CLEC1A: variants seen among roughly 807,000 people sequenced by gnomAD.
CLEC1A encodes C-type lectin domain family 1 member A, also known as C-type lectin-like receptor-1.
In CLEC1A, 34 loss-of-function variants were observed where a neutral mutation model predicts 28.7. The ratio of observed to expected loss-of-function variants is 1.18; its 90% CI spans 0.90 to 1.57. The LOEUF is 1.57. Ranked by LOEUF, CLEC1A falls within the 40% of genes most tolerant of loss-of-function variation. CLEC1A has a pLI of 0.00. For missense variants in CLEC1A, 385 were observed against 339.5 expected, an observed-to-expected ratio of 1.13 and a Z score of -1.05; for synonymous variants, 116 against 121.0, an observed-to-expected ratio of 0.96 and a Z score of 0.27.
chr12:10,096,335 T>C (rs1002416277), intron 1 of CLEC1A, among the ~76,000 whole-genome samples: 3 of 152,328 alleles, frequency 2.0e-5, no homozygotes, highest in Admixed American at 6.5e-5. Context: ...TCTCCTCACA[T>C]GTAACCAATC....
intron 2 of CLEC1A, among the ~76,000 whole-genome samples, chr12:10,081,810 C>T (rs1866377501): frequency 6.6e-6 from 1 of 151,836 alleles, no homozygotes; most frequent in Admixed American, 6.6e-5. Context: ...TTCTGGAAGA[C>T]AGCCAAAAAT....
At chr12:10,079,780 C>A (rs1866328254) in intron 3 of CLEC1A, among the ~76,000 whole-genome samples, 1 of 151,808 alleles carries the variant, frequency 6.6e-6, no homozygotes, top group Non-Finnish European at 1.5e-5. Context: ...GATCATGCCA[C>A]TGCACTCCAG....
At chr12:10,093,304 T>C (rs1947731825) in intron 1 of CLEC1A, among the ~76,000 whole-genome samples, 1 of 150,286 alleles carries the variant, frequency 6.7e-6, no homozygotes, top group African/African-American at 2.4e-5. Context: ...TCCTGAGGCA[T>C]GTTTAGAAAG....
intron 2 of CLEC1A, among the ~76,000 whole-genome samples, chr12:10,087,594 C>T (rs1436445039): frequency 6.9e-6 from 1 of 145,508 alleles, no homozygotes; most frequent in Non-Finnish European, 1.5e-5. Context: ...GTGATCTTGG[C>T]TCACTGCAAT....
intron 4 of CLEC1A, 97 bp downstream of exon 4, chr12:10,075,407 G>T: frequency 7.5e-7 from 1 of 1,341,596 alleles, no homozygotes; most frequent in Non-Finnish European, 1.0e-6. Context: ...TCGAAAACCT[G>T]TGGACCGATA....
Position 10,070,989 on chromosome 12 carries a change from T to A in CLEC1A, c.*344A>T, listed in dbSNP as rs1591899929. The A allele has an allele frequency of 1.8e-5, 3 of 170,152 alleles. No homozygotes were observed. The East Asian group carries it at 4.9e-4, about 28-fold the overall frequency. 10.5% of individuals were successfully genotyped at this position (170,152 alleles called of 1,614,324 possible). A position where few individuals can be genotyped will look rare whatever the true frequency, so the allele number is the denominator to read the frequency against. On this transcript the variant is annotated 3_prime_UTR_variant, in exon 6 of 6. Coordinates refer to ENST00000315330, the MANE Select transcript of CLEC1A (RefSeq NM_016511.4). Reference sequence around the variant, plus strand: ...ATGTATTTCCTCTACTTCAAAAAGTTTCTTATTCCACCAAGTGTAAGGAAG... The same window carrying A: ...ATGTATTTCCTCTACTTCAAAAAGTATCTTATTCCACCAAGTGTAAGGAAG...
At position 10,074,528 on chromosome 12, in the gene CLEC1A, G is replaced by A. The variant is rs1183149900; in HGVS notation, c.543+976C>T. On this transcript the variant is annotated intron_variant, in intron 4 of 5. Transcript: ENST00000315330. ...GTTCAACAAGACAATTTCCTACCAC[G>A]TGATATAATATAGTTCAGTTTTATA... is the stretch of plus-strand genomic sequence containing the variant. 4.6e-5 allele frequency among the ~76,000 whole-genome samples: 7 copies of A among 152,048 alleles called. 1 individual carries two copies. In the South Asian group the frequency reaches 6.2e-4, roughly 14 times the overall value.
chr12:10,089,373 A>C, intron 1 of CLEC1A, 151 bp from the exon 2 acceptor site: 1 of 639,476 alleles, frequency 1.6e-6, no homozygotes. Context: ...TTCTGTCCTC[A>C]GAAACATCAT....
At chr12:10,077,829 T>A (rs1357313460) in intron 3 of CLEC1A, among the ~76,000 whole-genome samples, 1 of 152,160 alleles carries the variant, frequency 6.6e-6, no homozygotes, top group East Asian at 1.9e-4. Flanking sequence ...AAAAGGAATG[T>A]AAGTCTGTGT....
intron 1 of CLEC1A, among the ~76,000 whole-genome samples, chr12:10,095,128 T>C (rs1489555246): frequency 1.3e-5 from 2 of 152,144 alleles, no homozygotes; most frequent in African/African-American, 4.8e-5. Context: ...CATTAGTAGG[T>C]TTGATTTAAA....
rs1866119120 is a variant in CLEC1A at position 10,071,206 on chromosome 12, G to A, written c.*127C>T. On this transcript the variant is annotated 3_prime_UTR_variant, in exon 6 of 6. Coordinates refer to ENST00000315330, the MANE Select transcript of CLEC1A (RefSeq NM_016511.4). Reference sequence around the variant, plus strand: ...GCTGGTGATCCTGAACAGGAAACACGAGAACCCATTTTGTACTAGTCAGAG... The same window carrying A: ...GCTGGTGATCCTGAACAGGAAACACAAGAACCCATTTTGTACTAGTCAGAG... 7 of 832,060 alleles carry A rather than the reference G, an allele frequency of 8.4e-6. No homozygotes were observed. The highest frequency in any genetic ancestry group is 2.1e-5 in the South Asian group (1 of 47,504). The allele number at this position is 832,060 out of a possible 1,614,324, so 51.5% of individuals were successfully genotyped here. A position where few individuals can be genotyped will look rare whatever the true frequency, so the allele number is the denominator to read the frequency against.
chr12:10,098,675 C>A, intron 1 of CLEC1A, 133 bp downstream of exon 1: 1 of 587,510 alleles, frequency 1.7e-6, no homozygotes, highest in Non-Finnish European at 3.0e-6. Flanking sequence ...AAAATCACTA[C>A]TATGTCACAG....
At chr12:10,090,584 A>G (rs1435313954) in intron 1 of CLEC1A, among the ~76,000 whole-genome samples, 1 of 152,080 alleles carries the variant, frequency 6.6e-6, no homozygotes, top group African/African-American at 2.4e-5. Context: ...AGAGATTTAT[A>G]TGAAACGTTA....
intron 1 of CLEC1A, 52 bp from the exon 2 acceptor site, chr12:10,089,274 C>T (rs887889834): frequency 6.9e-7 from 1 of 1,455,976 alleles, no homozygotes; most frequent in African/African-American, 1.4e-5. Context: ...CCTCTTGCAT[C>T]TAAGTCAATA....
At chr12:10,083,066 C>A (rs1866403938) in intron 2 of CLEC1A, among the ~76,000 whole-genome samples, 2 of 152,212 alleles carry the variant, frequency 1.3e-5, no homozygotes, top group Non-Finnish European at 2.9e-5. Context: ...CAGCACCAGC[C>A]TGGAGCCTGG....
Position 10,087,472 on chromosome 12 carries a change from T to TTATA in CLEC1A, c.214+1648_214+1651dup, listed in dbSNP as rs200437169. ...GGCATATAAAGGACATACCTCAAAG[T>TTATA]TATATATATATATATATATATATAT... On this transcript the variant is annotated intron_variant, in intron 2 of 5. Transcript: ENST00000315330. Among the ~76,000 whole-genome samples the TTATA allele has an allele frequency of 5.6e-3, 418 of 75,114 alleles. 1 individual carries two copies. Among genetic ancestry groups the TTATA allele is most frequent in the East Asian group, 0.014 (16 of 1,122 alleles). The allele number at this position is 75,114 out of a possible 152,430, so 49.3% of individuals were successfully genotyped here. A position where few individuals can be genotyped will look rare whatever the true frequency, so the allele number is the denominator to read the frequency against.
intron 5 of CLEC1A, among the ~76,000 whole-genome samples, chr12:10,072,398 T>C (rs1442096250): frequency 6.6e-6 from 1 of 152,258 alleles, no homozygotes; most frequent in Non-Finnish European, 1.5e-5. Context: ...AGATACCATA[T>C]GTACTCCTGT....
rs1866090779 is a variant in CLEC1A, at chr12:10,069,886, T to C, written c.*1447A>G. ...GTTTATGAAAATGAGCACCAATGTG[T>C]TCTTTCTATCATATGATTGCTACTA... is the stretch of plus-strand genomic sequence containing the variant. On this transcript the variant is annotated 3_prime_UTR_variant, in exon 6 of 6. Transcript: ENST00000315330. 6.6e-6 allele frequency: 1 copy of C among 152,236 alleles called. No homozygotes were observed. Among genetic ancestry groups the C allele is most frequent in the Non-Finnish European group, 1.5e-5 (1 of 68,044 alleles). The allele number at this position is 152,236 out of a possible 1,614,324, so 9.4% of individuals were successfully genotyped here. A position where few individuals can be genotyped will look rare whatever the true frequency, so the allele number is the denominator to read the frequency against.
At chr12:10,090,622 A>G (rs955842458) in intron 1 of CLEC1A, among the ~76,000 whole-genome samples, 4 of 152,120 alleles carry the variant, frequency 2.6e-5, no homozygotes, top group African/African-American at 9.7e-5. Context: ...ATAACTAGTA[A>G]AGAATATAGA....
Sources: gnomAD v4.1 joint callset for allele counts (sites outside exome capture counted in the v4.1 genomes callset) on GRCh38, gnomAD v4.1.1 for gene constraint, MANE v1.5 for transcripts, NCBI Gene and HGNC (gene_info 2026-07-23, HGNC 2026-07-21) for gene names.